GOLIM4: variants seen among roughly 807,000 people sequenced by gnomAD.
GOLIM4 encodes the protein golgi integral membrane protein 4, also known as 130 kDa golgi-localized phosphoprotein.
In GOLIM4, 71 loss-of-function variants were observed where a neutral mutation model predicts 107.4. The ratio of observed to expected loss-of-function variants is 0.66; its 90% confidence interval spans 0.55 to 0.81. The LOEUF (loss-of-function observed/expected upper bound fraction) is 0.81, where lower values mean the gene tolerates loss of function less well. GOLIM4 is among the 30% of genes least tolerant of loss of function. The probability of loss-of-function intolerance (pLI) is 0.00; values close to 1 mark genes in which losing one functional copy is unlikely to be tolerated. For missense variants in GOLIM4, 830 were observed against 826.1 expected (o/e 1.00, Z -0.06); for synonymous variants, 327 against 294.8 (o/e 1.11, Z -1.12).
intron 1 of GOLIM4, among the ~76,000 whole-genome samples, chr3:168,068,839 T>A (rs1186962078): frequency 5.7e-5 from 8 of 141,580 alleles, no homozygotes; most frequent in African/African-American, 2.4e-4. Context: ...TTTATTTTAT[T>A]TTTTTTTTTT....
intron 1 of GOLIM4, among the ~76,000 whole-genome samples, chr3:168,066,851 T>C (rs548430612): frequency 6.6e-6 from 1 of 152,260 alleles, no homozygotes; most frequent in South Asian, 2.1e-4. Flanking sequence ...TTAAACTTTT[T>C]TGGTGATTTA....
Position 168,024,325 on chromosome 3 carries a change from A to G in GOLIM4, c.1860+201T>C, listed in dbSNP as rs573182962. Among the ~76,000 whole-genome samples, 41 of 152,212 alleles carry G rather than the reference A, an allele frequency of 2.7e-4. 1 individual carries two copies. Among genetic ancestry groups the G allele is most frequent in the Non-Finnish European group, 4.7e-4 (32 of 68,034 alleles). ...GAGAACCAAAGAGATGGATTCTATT[A>G]CCCTGCTTTTGTTATCTTCTAACCA... On this transcript the variant is annotated intron_variant, in intron 14 of 15. Coordinates refer to ENST00000470487, the MANE Select transcript of GOLIM4 (RefSeq NM_014498.5).
intron 1 of GOLIM4, among the ~76,000 whole-genome samples, chr3:168,092,914 A>G (rs1442027365): frequency 6.6e-6 from 1 of 152,254 alleles, no homozygotes; most frequent in African/African-American, 2.4e-5. Context: ...TTATACTGCA[A>G]GTTTTGTAGC....
At chr3:168,033,640 A>AAAAAAAAAAAC (rs1718472210) in intron 8 of GOLIM4, among the ~76,000 whole-genome samples, 1 of 138,260 alleles carries the variant, frequency 7.2e-6, no homozygotes, top group African/African-American at 2.9e-5. Flanking sequence ...AAAAAAAAAA[A>AAAAAAAAAAAC]AGAATGCCAT....
chr3:168,049,512 G>C (rs930063400), intron 1 of GOLIM4, among the ~76,000 whole-genome samples: 4 of 152,132 alleles, frequency 2.6e-5, no homozygotes, highest in African/African-American at 9.7e-5. Context: ...TGTTTGTTCA[G>C]CATTATGGTC....
chr3:168,095,229 C>A lies in GOLIM4; in HGVS notation c.57G>T (p.Leu19=), dbSNP rs1338051823. The stretch of plus-strand genomic sequence containing the variant: ...AGAGAAAGCCGAACACGACGGTCAG[C>A]AGCAGCAGCGTCTGGAAAATCCGCT... ...KQKRIFQTLL[L]LTVVFGFLYG... is the part of the protein sequence containing the mutation. The change falls in exon 1 of 16, where the codon CTG becomes CTT. Residue 19 remains leucine (L), a synonymous_variant. Transcript: ENST00000470487. The A allele has an allele frequency of 6.2e-7, 1 of 1,613,464 alleles. No homozygotes were observed. The highest frequency in any genetic ancestry group is 1.7e-5 in the Admixed American group (1 of 59,994).
chr3:168,034,872 CT>C (rs1392713901), intron 8 of GOLIM4, among the ~76,000 whole-genome samples: 1 of 152,226 alleles, frequency 6.6e-6, no homozygotes, highest in Non-Finnish European at 1.5e-5. Context: ...GAAGATGGGA[CT>C]TGCTCCTCCT....
intron 1 of GOLIM4, among the ~76,000 whole-genome samples, chr3:168,053,275 T>C (rs903504223): frequency 3.3e-5 from 5 of 152,162 alleles, no homozygotes; most frequent in African/African-American, 9.7e-5. Context: ...ACTCCAAAAT[T>C]AGGCAGAAAA....
Position 168,095,109 on chromosome 3 carries a change from G to A in GOLIM4, c.177C>T (p.Ala59=), listed in dbSNP as rs1722108295. ...KYQQHQESLS[A]QLQVVYEHRS... ...TCCCGTTAGCCGTACCTTGTAACTG[G>A]GCGGAGAGGGACTCCTGGTGCTGCT... Residue 59 remains alanine, a synonymous_variant, in exon 1 of 16, where the codon GCC becomes GCT. Coordinates refer to ENST00000470487, the MANE Select transcript of GOLIM4 (RefSeq NM_014498.5). 2.5e-6 allele frequency: 4 copies of A among 1,601,646 alleles called. No individual in the cohort carries two copies. The highest frequency in any genetic ancestry group is 3.4e-6 in the Non-Finnish European group (4 of 1,170,678).
intron 1 of GOLIM4, among the ~76,000 whole-genome samples, chr3:168,090,238 C>T (rs1222817240): frequency 4.0e-5 from 6 of 151,794 alleles, no homozygotes; most frequent in Admixed American, 2.0e-4. Flanking sequence ...ACACAGTAAA[C>T]AGCCTACAAA....
At chr3:168,090,294 A>AT (rs981857128) in intron 1 of GOLIM4, among the ~76,000 whole-genome samples, 14 of 152,102 alleles carry the variant, frequency 9.2e-5, no homozygotes, top group African/African-American at 3.4e-4. Context: ...AAGGGCTAAT[A>AT]TCCAGAAGCT....
intron 15 of GOLIM4, 42 bp from the exon 16 acceptor site, chr3:168,010,460 G>A (rs1439200033): frequency 7.8e-7 from 1 of 1,283,628 alleles, no homozygotes; most frequent in Admixed American, 2.0e-5. Context: ...AGATAGTATA[G>A]AGTTAGTGAT....
chr3:168,060,104 T>TG (rs1324553207), intron 1 of GOLIM4, among the ~76,000 whole-genome samples: 1 of 151,452 alleles, frequency 6.6e-6, no homozygotes, highest in Non-Finnish European at 1.5e-5. Flanking sequence ...TAGAGAGTTT[T>TG]TTTTTTTTTT....
chr3:168,094,230 ATGTT>A (rs750746349), intron 1 of GOLIM4, among the ~76,000 whole-genome samples: 13 of 152,366 alleles, frequency 8.5e-5, no homozygotes, highest in Non-Finnish European at 1.5e-4. Context: ...AAAGTAAATT[ATGTT>A]TGTGAAAATT....
At chr3:168,011,144 A>T (rs549997330) in intron 14 of GOLIM4, among the ~76,000 whole-genome samples, 4 of 150,542 alleles carry the variant, frequency 2.7e-5, no homozygotes, top group Admixed American at 1.3e-4. Flanking sequence ...GGTTCCTCTC[A>T]CTAGGGAGTG....
At chr3:168,027,944 C>A (rs890821531) in intron 11 of GOLIM4, 107 bp from the exon 12 acceptor site, 2 of 717,416 alleles carry the variant, frequency 2.8e-6, no homozygotes, top group African/African-American at 3.5e-5. Context: ...TACAATACCT[C>A]CACCTCTGTT....
intron 12 of GOLIM4, among the ~76,000 whole-genome samples, chr3:168,025,724 G>A (rs556324129): frequency 1.6e-4 from 24 of 152,312 alleles, no homozygotes; most frequent in African/African-American, 5.3e-4. Context: ...AGGGATGGGA[G>A]TTAAAAAGGG....
intron 9 of GOLIM4, among the ~76,000 whole-genome samples, chr3:168,031,104 C>CAT (rs1718308372): frequency 6.6e-6 from 1 of 152,134 alleles, no homozygotes; most frequent in Non-Finnish European, 1.5e-5. Flanking sequence ...CACAGAAAGA[C>CAT]ATACATTGCA....
At chr3:168,039,126 A>G (rs1313442165) in intron 7 of GOLIM4, among the ~76,000 whole-genome samples, 1 of 152,158 alleles carries the variant, frequency 6.6e-6, no homozygotes, top group Non-Finnish European at 1.5e-5. Flanking sequence ...GCCCAAAGTA[A>G]CTAACACATA....
Sources: allele counts gnomAD v4.1 joint callset (sites outside exome capture counted in the v4.1 genomes callset), GRCh38; gene constraint gnomAD v4.1.1; transcripts MANE v1.5; gene names NCBI Gene and HGNC (gene_info 2026-07-23, HGNC 2026-07-21).